Variants in MITF observed in about 807,000 individuals in gnomAD.
MITF encodes microphthalmia-associated transcription factor.
Under a neutral mutation model 60.5 loss-of-function variants are expected in MITF, and 17 were observed. The ratio of observed to expected loss-of-function variants is 0.28; its 90% CI spans 0.19 to 0.42. The LOEUF is 0.42. Among genes scored for constraint, MITF ranks in the 10% least tolerant of loss-of-function variants. The pLI, the probability that MITF is intolerant of heterozygous loss-of-function variation, is 1.00. For synonymous variants in MITF, 260 were observed against 248.5 expected (o/e 1.05, Z -0.43); for missense variants, 622 against 683.5 (o/e 0.91, Z 1.00).
At chr3:69,802,706 T>TTTTG (rs2062941745) in intron 1 of MITF, among the ~76,000 whole-genome samples, 1 of 149,220 alleles carries the variant, frequency 6.7e-6, no homozygotes, top group Non-Finnish European at 1.5e-5. Context: ...TTTTTTTTTT[T>TTTTG]TTTAGAGGAT....
Position 69,968,264 on chromosome 3 carries a change from C to A in MITF, c.*3016C>A. ...GTCCATAGCACTGTATATTATGGAT[C>A]GATATTAATGTATCCAATGAAATAA... On this transcript the variant is annotated 3_prime_UTR_variant, in exon 10 of 10. Transcript: ENST00000352241. 1 of 231,238 alleles carries A rather than the reference C, an allele frequency of 4.3e-6. No homozygotes were observed. Among genetic ancestry groups the A allele is most frequent in the African/African-American group, 2.2e-5 (1 of 45,316 alleles). 14.3% of individuals were successfully genotyped at this position (231,238 alleles called of 1,614,324 possible). A position where few individuals can be genotyped will look rare whatever the true frequency, so the allele number is the denominator to read the frequency against.
intron 1 of MITF, among the ~76,000 whole-genome samples, chr3:69,875,640 G>C (rs1334235696): frequency 2.6e-5 from 4 of 152,142 alleles, no homozygotes; most frequent in Admixed American, 2.6e-4. Flanking sequence ...TCAGCATCAC[G>C]TCCTCGTTTT....
chr3:69,827,709 A>G (rs2063378284), intron 1 of MITF, among the ~76,000 whole-genome samples: 1 of 152,156 alleles, frequency 6.6e-6, no homozygotes, highest in Non-Finnish European at 1.5e-5. Flanking sequence ...GACTTTTGGA[A>G]TATAATTCCC....
chr3:69,792,998 CTTTTTTTTTTTTTTT>C (rs58440406), intron 1 of MITF, among the ~76,000 whole-genome samples: 10 of 31,096 alleles, frequency 3.2e-4, no homozygotes, highest in South Asian at 2.3e-3. Flanking sequence ...AAGTCTTTAG[CTTTTTTTTTTTTTTT>C]TTTTTTTTTT....
Position 69,937,874 on chromosome 3 carries a change from G to A in MITF, c.407G>A (p.Arg136Gln), listed in dbSNP as rs750608171. The A allele has an allele frequency of 9.9e-6, 16 of 1,613,920 alleles. No homozygotes were observed. In the Admixed American group the frequency reaches 1.0e-4, roughly 10 times the overall value. The change falls in exon 3 of 10, where the codon CGG becomes CAG. Residue 136 changes from arginine to glutamine, a missense_variant. Transcript: ENST00000352241. The part of the protein sequence containing the change: ...PTKYHIQQAQ[R>Q]QQVKQYLSTT... ...AAGTACCACATACAGCAAGCCCAAC[G>A]GCAGCAGGTAAAGCAGTACCTTTCT...
At chr3:69,827,061 A>G (rs548410149) in intron 1 of MITF, among the ~76,000 whole-genome samples, 36 of 152,268 alleles carry the variant, frequency 2.4e-4, no homozygotes, top group Admixed American at 1.3e-4. Flanking sequence ...GTATTAGCCT[A>G]CATCCTCCTC....
intron 1 of MITF, chr3:69,763,789 G>T: frequency 7.3e-7 from 1 of 1,363,946 alleles, no homozygotes; most frequent in Non-Finnish European, 9.7e-7. Flanking sequence ...AAAGCTAATG[G>T]TTGGCATTAA....
intron 1 of MITF, among the ~76,000 whole-genome samples, chr3:69,766,787 T>C (rs1326274654): frequency 2.0e-5 from 3 of 152,156 alleles, no homozygotes; most frequent in African/African-American, 4.8e-5. Context: ...CAACTGTCAC[T>C]TCACTCTTTC....
intron 1 of MITF, among the ~76,000 whole-genome samples, chr3:69,843,614 C>T (rs559916862): frequency 6.6e-6 from 1 of 152,158 alleles, no homozygotes; most frequent in African/African-American, 2.4e-5. Context: ...GGTTTCAATA[C>T]CACAAATGAC....
chr3:69,853,659 A>G (rs1017385198), intron 1 of MITF, among the ~76,000 whole-genome samples: 1 of 152,034 alleles, frequency 6.6e-6, no homozygotes, highest in African/African-American at 2.4e-5. Context: ...GCTTTTCATT[A>G]CACTTTTAGA....
chr3:69,855,140 G>C (rs1313149909), intron 1 of MITF, among the ~76,000 whole-genome samples: 1 of 150,136 alleles, frequency 6.7e-6, no homozygotes, highest in Non-Finnish European at 1.5e-5. Context: ...TCTACATTCT[G>C]CCTACGTGTG....
At chr3:69,936,303 G>C (rs1350921606) in intron 2 of MITF, among the ~76,000 whole-genome samples, 1 of 152,134 alleles carries the variant, frequency 6.6e-6, no homozygotes, top group Non-Finnish European at 1.5e-5. Flanking sequence ...TTAACCTATT[G>C]CTGAAAGAGA....
chr3:69,863,098 G>C (rs575780539), intron 1 of MITF, among the ~76,000 whole-genome samples: 3 of 151,774 alleles, frequency 2.0e-5, no homozygotes, highest in Admixed American at 2.0e-4. Context: ...TACATATTAC[G>C]TTGATTCATT....
chr3:69,968,265 G>A lies in MITF; in HGVS notation c.*3017G>A, dbSNP rs1298822238. On this transcript the variant is annotated 3_prime_UTR_variant, in exon 10 of 10. Coordinates refer to ENST00000352241, the MANE Select transcript of MITF (RefSeq NM_001354604.2). ...TCCATAGCACTGTATATTATGGATCGATATTAATGTATCCAATGAAATAAT... is the reference window on the plus strand; with the variant it reads ...TCCATAGCACTGTATATTATGGATCAATATTAATGTATCCAATGAAATAAT... The A allele has an allele frequency of 1.3e-5, 3 of 230,944 alleles. No individual in the cohort carries two copies. Among genetic ancestry groups the A allele is most frequent in the African/African-American group, 4.4e-5 (2 of 45,212 alleles). The allele number at this position is 230,944 out of a possible 1,614,324, so 14.3% of individuals were successfully genotyped here.
At chr3:69,828,392 G>A (rs887924979) in intron 1 of MITF, among the ~76,000 whole-genome samples, 2 of 152,038 alleles carry the variant, frequency 1.3e-5, no homozygotes, top group Admixed American at 6.6e-5. Flanking sequence ...TTTATTTATA[G>A]GTGATATCTA....
At chr3:69,875,535 C>G (rs2064333944) in intron 1 of MITF, among the ~76,000 whole-genome samples, 1 of 152,214 alleles carries the variant, frequency 6.6e-6, no homozygotes, top group South Asian at 2.1e-4. Flanking sequence ...TTAGGATTAT[C>G]TAGCGAAGAT....
chr3:69,807,960 G>A (rs1276394275), intron 1 of MITF, among the ~76,000 whole-genome samples: 1 of 150,890 alleles, frequency 6.6e-6, no homozygotes, highest in Admixed American at 6.6e-5. Context: ...ATGTACATAT[G>A]TATATATATA....
intron 9 of MITF, among the ~76,000 whole-genome samples, chr3:69,963,400 T>C (rs1345794598): frequency 6.6e-6 from 1 of 152,208 alleles, no homozygotes; most frequent in Non-Finnish European, 1.5e-5. Flanking sequence ...GCACTCTTAG[T>C]GTTTTAGCAA....
intron 9 of MITF, among the ~76,000 whole-genome samples, chr3:69,961,099 T>C (rs2066530972): frequency 6.6e-6 from 1 of 152,214 alleles, no homozygotes; most frequent in African/African-American, 2.4e-5. Context: ...TAAAAGCAGC[T>C]TGTGGGCCGG....
Sources: gnomAD v4.1 joint callset for allele counts (sites outside exome capture counted in the v4.1 genomes callset) on GRCh38, gnomAD v4.1.1 for gene constraint, MANE v1.5 for transcripts, NCBI Gene and HGNC (gene_info 2026-07-23, HGNC 2026-07-21) for gene names.